ZDBF2: variants seen among roughly 807,000 people sequenced by gnomAD.
ZDBF2 encodes the protein DBF4-type zinc finger-containing protein 2.
Under a neutral mutation model 9.4 loss-of-function variants are expected in ZDBF2, and 6 were observed. The ratio of observed to expected loss-of-function variants is 0.64; its 90% CI spans 0.35 to 1.27. The LOEUF is 1.27. ZDBF2 is among the 50% of genes most tolerant of loss of function. The pLI, the probability that ZDBF2 is intolerant of heterozygous loss-of-function variation, is 0.03. For missense variants in ZDBF2, 2,697 were observed against 2,766.8 expected, an observed-to-expected ratio of 0.97 and a Z score of 0.57; for synonymous variants, 905 against 946.3, an observed-to-expected ratio of 0.96 and a Z score of 0.80.
chr2:206,303,404 T>C (rs972543513), intron 4 of ZDBF2, among the ~76,000 whole-genome samples: 1 of 152,066 alleles, frequency 6.6e-6, no homozygotes, highest in Non-Finnish European at 1.5e-5. Flanking sequence ...AGTAAGTCCT[T>C]AGTAGATGGT....
In ZDBF2 at chr2:206,309,871, A is replaced by G. The variant is rs768153252; in HGVS notation, c.5343A>G (p.Lys1781=). The change falls in exon 5 of 5, where the codon AAA becomes AAG. Residue 1781 remains lysine, a synonymous_variant. Transcript: ENST00000374423. The part of the protein sequence containing the change: ...HPCKKVSSDL[K]EKNHDSQSSS... ...GTAAGAAGGTATCTTCTGACTTGAAAGAAAAGAACCATGATTCCCAGTCAA... is the reference window on the plus strand; with the variant it reads ...GTAAGAAGGTATCTTCTGACTTGAAGGAAAAGAACCATGATTCCCAGTCAA... 9 of 1,613,876 alleles carry G rather than the reference A, an allele frequency of 5.6e-6. No individual in the cohort carries two copies. The highest frequency in any genetic ancestry group is 7.6e-6 in the Non-Finnish European group (9 of 1,179,902).
In ZDBF2 at chr2:206,281,894, T is replaced by A. The variant is rs773883722; in HGVS notation, c.45T>A (p.Tyr15Ter). 6.2e-6 allele frequency: 10 copies of A among 1,613,030 alleles called. No homozygotes were observed. The highest frequency in any genetic ancestry group is 8.5e-6 in the Non-Finnish European group (10 of 1,179,436). The change falls in exon 3 of 5, where the codon TAT becomes TAA. Residue 15 changes from tyrosine to a stop codon, truncating the protein, a stop_gained. Coordinates refer to ENST00000374423, the MANE Select transcript of ZDBF2 (RefSeq NM_020923.3). LOFTEE classifies it high-confidence loss of function. ...ATTGCAGTTATTGCCGTGTGCAGTA[T>A]AATAACCTGGAACAGGTGAGCGGTT... The part of the protein sequence containing the change: ...QGYCSYCRVQ[Y>*]NNLEQHLFSA...
Position 206,307,530 on chromosome 2 carries a change from G to A in ZDBF2, c.3002G>A (p.Ser1001Asn). 1 of 1,613,770 alleles carries A rather than the reference G, an allele frequency of 6.2e-7. No homozygotes were observed. Among genetic ancestry groups the A allele is most frequent in the Non-Finnish European group, 8.5e-7 (1 of 1,179,744 alleles). ...RSTEFSGSKT[S>N]LDSGVPHYSV... The stretch of plus-strand genomic sequence containing the variant: ...ACTGAATTCAGTGGTTCAAAAACAA[G>A]TTTAGATTCTGGTGTCCCTCATTAT... The change falls in exon 5 of 5, where the codon AGT (serine) becomes AAT (asparagine). Residue 1001 changes from serine (S) to asparagine (N), a missense_variant. Around this residue, in one of 3 missense-constraint regions of ZDBF2, gnomAD observed 1,783 missense variants for 1,776.5 expected, o/e 1.00. Coordinates refer to ENST00000374423, the MANE Select transcript of ZDBF2 (RefSeq NM_020923.3).
chr2:206,300,400 A>G (rs1692439351), intron 4 of ZDBF2, among the ~76,000 whole-genome samples: 1 of 152,140 alleles, frequency 6.6e-6, no homozygotes, highest in Admixed American at 6.5e-5. Context: ...ATGATACTTT[A>G]TTTATAGAGT....
chr2:206,303,902 C>T lies in ZDBF2; in HGVS notation c.189-815C>T, dbSNP rs1692631782. On this transcript the variant is annotated intron_variant, in intron 4 of 4. Coordinates refer to ENST00000374423, the MANE Select transcript of ZDBF2 (RefSeq NM_020923.3). ...AGAGCCGCTTTATTATTTTTAAAAACCACATTGTATTCCATTAAATACCAT... is the reference window on the plus strand; with the variant it reads ...AGAGCCGCTTTATTATTTTTAAAAATCACATTGTATTCCATTAAATACCAT... 2.0e-5 allele frequency among the ~76,000 whole-genome samples: 3 copies of T among 149,664 alleles called. No individual in the cohort carries two copies. In the South Asian group the frequency reaches 7.0e-4, roughly 35 times the overall value.
rs777182652 is a variant in ZDBF2, at chr2:206,309,417, A to T, written c.4889A>T (p.Asp1630Val). 8.1e-6 allele frequency: 13 copies of T among 1,613,888 alleles called. No individual in the cohort carries two copies. In the Admixed American group the frequency reaches 2.2e-4, roughly 27 times the overall value. The change falls in exon 5 of 5, where the codon GAT becomes GTT. Residue 1630 changes from aspartate (D) to valine (V), a missense_variant. Physicochemically the swap from Asp to Val is radical, Grantham distance 152. Transcript: ENST00000374423. ...SCGSEMNFNV[D>V]ASDQSMTYES... ...GGTTCTGAAATGAATTTTAATGTTGATGCCTCTGATCAGTCCATGACTTAC... is the reference window on the plus strand; with the variant it reads ...GGTTCTGAAATGAATTTTAATGTTGTTGCCTCTGATCAGTCCATGACTTAC...
intron 4 of ZDBF2, 27 bp from the exon 5 acceptor site, chr2:206,304,684 ATATGTT>A (rs1559148077): frequency 1.3e-6 from 2 of 1,559,430 alleles, no homozygotes; most frequent in South Asian, 1.2e-5. Context: ...AGACATTAGA[ATATGTT>A]TATGAGTTTC....
chr2:206,309,326 A>G lies in ZDBF2; in HGVS notation c.4798A>G (p.Thr1600Ala). 1 of 1,612,786 alleles carries G rather than the reference A, an allele frequency of 6.2e-7. No homozygotes were observed. The highest frequency in any genetic ancestry group is 8.5e-7 in the Non-Finnish European group (1 of 1,179,424). ...CTCAATGACAAACCAATGCAAAGAG[A>G]CTTTCAAAATAATAAACCGGAAGAA... is the stretch of plus-strand genomic sequence containing the variant. ...TPSMTNQCKETFKIINRKKDY... is the reference protein window; with the variant it reads ...TPSMTNQCKEAFKIINRKKDY... Residue 1600 changes from threonine to alanine, a missense_variant, in exon 5 of 5, where the codon ACT becomes GCT. Transcript: ENST00000374423.
chr2:206,291,769 G>T (rs1691911128), intron 3 of ZDBF2, among the ~76,000 whole-genome samples: 1 of 152,074 alleles, frequency 6.6e-6, no homozygotes, highest in South Asian at 2.1e-4. Context: ...GATTTGGTTT[G>T]CTATTAATAA....
intron 4 of ZDBF2, among the ~76,000 whole-genome samples, chr2:206,302,980 A>G (rs1354243555): frequency 6.6e-6 from 1 of 152,118 alleles, no homozygotes; most frequent in Non-Finnish European, 1.5e-5. Context: ...GAGTGTGCCT[A>G]TAATACTCTC....
At chr2:206,287,853 G>A (rs1691681288) in intron 3 of ZDBF2, among the ~76,000 whole-genome samples, 1 of 151,728 alleles carries the variant, frequency 6.6e-6, no homozygotes, top group African/African-American at 2.4e-5. Context: ...TTGAATCTCT[G>A]TATTGTATTT....
At position 206,306,747 on chromosome 2, in the gene ZDBF2, T is replaced by A. The variant is rs1574417895; in HGVS notation, c.2219T>A (p.Val740Asp). The change falls in exon 5 of 5, where the codon GTT becomes GAT. Residue 740 changes from valine to aspartate, a missense_variant. This residue lies in a region of ZDBF2 where 910 missense variants were observed against 973.6 expected (regional missense o/e 0.93). Transcript: ENST00000374423. Reference protein sequence around the residue: ...NLKELNIDMEVRSYDCSSSEL... With the variant: ...NLKELNIDMEDRSYDCSSSEL... The stretch of plus-strand genomic sequence containing the variant: ...AAAGAGTTAAATATTGACATGGAAG[T>A]TAGGAGCTATGATTGCTCCAGCTCT... 6.2e-7 allele frequency: 1 copy of A among 1,613,838 alleles called. No individual in the cohort carries two copies. The highest frequency in any genetic ancestry group is 2.2e-5 in the East Asian group (1 of 44,878).
intron 3 of ZDBF2, among the ~76,000 whole-genome samples, chr2:206,295,892 A>C (rs559387777): frequency 4.4e-4 from 67 of 152,306 alleles, no homozygotes; most frequent in African/African-American, 1.5e-3. Flanking sequence ...GAGAGTTACA[A>C]GACTGAAAAA....
At chr2:206,292,222 G>A in intron 3 of ZDBF2, 1 of 396,166 alleles carries the variant, frequency 2.5e-6, no homozygotes, top group Non-Finnish European at 4.5e-6. Context: ...TAAGGACTTT[G>A]CATTGTTTAT....
Position 206,308,001 on chromosome 2 carries a change from C to A in ZDBF2, c.3473C>A (p.Ser1158Ter), listed in dbSNP as rs765669453. 1 of 1,613,808 alleles carries A rather than the reference C, an allele frequency of 6.2e-7. No homozygotes were observed. The highest frequency in any genetic ancestry group is 8.5e-7 in the Non-Finnish European group (1 of 1,179,828). ...GTTAAGAACAGCCAATATAGTTGTT[C>A]AGAAATGAATTTGGATTCTGGTTTC... ...LEVKNSQYSC[S>*]EMNLDSGFLG... Residue 1158 changes from serine (S) to a stop codon, truncating the protein, a stop_gained, in exon 5 of 5, where the codon TCA becomes TAA. Coordinates refer to ENST00000374423, the MANE Select transcript of ZDBF2 (RefSeq NM_020923.3). LOFTEE classifies it low-confidence loss of function (END_TRUNC).
chr2:206,306,791 G>T lies in ZDBF2; in HGVS notation c.2263G>T (p.Asp755Tyr). Residue 755 changes from aspartate to tyrosine, a missense_variant, in exon 5 of 5, where the codon GAC becomes TAC. By Grantham distance (160) the Asp-to-Tyr change is radical. Around this residue, in one of 3 missense-constraint regions of ZDBF2, gnomAD observed 910 missense variants for 973.6 expected, o/e 0.93. Transcript: ENST00000374423. ...CSSSELTFDS[D>Y]PPLLSVTEQS... ...CAGCTCTGAGTTGACTTTTGATTCT[G>T]ACCCGCCTCTTCTGTCAGTTACTGA... 6.2e-7 allele frequency: 1 copy of T among 1,613,794 alleles called. No homozygotes were observed. The highest frequency in any genetic ancestry group is 8.5e-7 in the Non-Finnish European group (1 of 1,179,804).
rs749116046 is a variant in ZDBF2, at chr2:206,304,847, C to T, written c.319C>T (p.Pro107Ser). ...VEDEDATEER[P>S]SEVSEPIEEL... Reference sequence around the variant, plus strand: ...GGATGAGGATGCTACCGAAGAGAGACCATCCGAGGTTTCAGAACCTATTGA... The same window carrying T: ...GGATGAGGATGCTACCGAAGAGAGATCATCCGAGGTTTCAGAACCTATTGA... Residue 107 changes from proline (P) to serine (S), a missense_variant, in exon 5 of 5, where the codon CCA becomes TCA. Pro to Ser is a moderately conservative substitution (Grantham distance 74). Around this residue, in one of 3 missense-constraint regions of ZDBF2, gnomAD observed 910 missense variants for 973.6 expected, o/e 0.93. Coordinates refer to ENST00000374423, the MANE Select transcript of ZDBF2 (RefSeq NM_020923.3). The T allele has an allele frequency of 1.9e-6, 3 of 1,613,684 alleles. No homozygotes were observed. The highest frequency in any genetic ancestry group is 3.3e-5 in the Admixed American group (2 of 59,952).
rs773341530 is a variant in ZDBF2 at position 206,308,107 on chromosome 2, A to T, written c.3579A>T (p.Gln1193His). The stretch of plus-strand genomic sequence containing the variant: ...TTGAACTAGAAGGTAAGCACAATCA[A>T]TGTTGTGGTTCTGAAGTAAGTTTTG... The part of the protein sequence containing the change: ...EHIELEGKHN[Q>H]CCGSEVSFDS... The change falls in exon 5 of 5, where the codon CAA (glutamine) becomes CAT (histidine). Residue 1193 changes from glutamine to histidine, a missense_variant. Gln to His is a conservative substitution (Grantham distance 24, BLOSUM62 0). Transcript: ENST00000374423. 6.2e-7 allele frequency: 1 copy of T among 1,613,988 alleles called. No homozygotes were observed. Among genetic ancestry groups the T allele is most frequent in the African/African-American group, 1.3e-5 (1 of 75,070 alleles).
intron 4 of ZDBF2, among the ~76,000 whole-genome samples, chr2:206,298,220 C>G (rs970451954): frequency 3.3e-5 from 5 of 151,792 alleles, no homozygotes; most frequent in Non-Finnish European, 5.9e-5. Flanking sequence ...GAGTTAATGC[C>G]CTATGTTAAA....
Sources: gnomAD v4.1 joint callset for allele counts (sites outside exome capture counted in the v4.1 genomes callset) on GRCh38, gnomAD v4.1.1 for gene constraint, gnomAD v4.1.1 regional missense constraint, MANE v1.5 for transcripts, NCBI Gene and HGNC (gene_info 2026-07-23, HGNC 2026-07-21) for gene names.